The following RSL1D1 variants were observed in gnomAD, a reference collection of about 807,000 sequenced individuals.
RSL1D1 encodes ribosomal L1 domain containing 1.
RSL1D1 carries 34 observed loss-of-function variants against 44.6 expected under a neutral mutation model. The observed-to-expected ratio is 0.76, with a 90% CI of 0.58 to 1.02. The LOEUF (loss-of-function observed/expected upper bound fraction) is 1.02. RSL1D1 is among the 50% of genes least tolerant of loss of function. The pLI, the probability that RSL1D1 is intolerant of heterozygous loss-of-function variation, is 0.00. For synonymous variants in RSL1D1, 271 were observed against 207.4 expected, an observed-to-expected ratio of 1.31 and a Z score of -2.63; for missense variants, 767 against 568.1, an observed-to-expected ratio of 1.35 and a Z score of -3.56.
chr16:11,838,661 A>ACAG (rs2053739397), intron 8 of RSL1D1, among the ~76,000 whole-genome samples: 1 of 151,504 alleles, frequency 6.6e-6, no homozygotes, highest in Non-Finnish European at 1.5e-5. Flanking sequence ...GTTCAAGAGT[A>ACAG]GCCTGGCCAA....
chr16:11,846,434 T>C (rs2053799009), intron 5 of RSL1D1, 67 bp downstream of exon 5: 2 of 834,536 alleles, frequency 2.4e-6, no homozygotes, highest in South Asian at 3.3e-5. Flanking sequence ...ACAAAACGAA[T>C]AAGTATATAT....
chr16:11,844,816 A>G (rs1265795362), intron 5 of RSL1D1, among the ~76,000 whole-genome samples: 6 of 152,202 alleles, frequency 3.9e-5, no homozygotes, highest in Non-Finnish European at 7.4e-5. Context: ...GTACTTCATA[A>G]AATGTATTTT....
At chr16:11,843,684 T>C (rs9923315) in intron 5 of RSL1D1, among the ~76,000 whole-genome samples, 9,632 of 151,408 alleles carry the variant, frequency 0.064, 564 homozygotes, top group Admixed American at 0.17. Context: ...CTGGTTAACA[T>C]GGTAAAACAC....
chr16:11,836,876 AT>A lies in RSL1D1; in HGVS notation c.*910del, dbSNP rs1326978349. 4 of 152,246 alleles carry A rather than the reference AT, an allele frequency of 2.6e-5. No homozygotes were observed. The highest frequency in any genetic ancestry group is 9.6e-5 in the African/African-American group (4 of 41,458). The allele number at this position is 152,246 out of a possible 1,614,324, so 9.4% of individuals were successfully genotyped here. A position where few individuals can be genotyped will look rare whatever the true frequency, so the allele number is the denominator to read the frequency against. On this transcript the variant is annotated 3_prime_UTR_variant, in exon 9 of 9. Transcript: ENST00000571133. ...AATGAATATGATGGAGTCCATGTGA[AT>A]AATGGTTGAGCAGGTGAGGAAAAGG...
At position 11,837,839 on chromosome 16, in the gene RSL1D1, G is replaced by A; in HGVS notation, c.1421C>T (p.Ser474Phe). 6.2e-7 allele frequency: 1 copy of A among 1,613,456 alleles called. No individual in the cohort carries two copies. Among genetic ancestry groups the A allele is most frequent in the South Asian group, 1.1e-5 (1 of 90,998 alleles). The part of the protein sequence containing the change: ...TTPSKSVRKA[S>F]HTPKKWPKKP... ...TTTGGGCCATTTTTTGGGGGTGTGG[G>A]AAGCTTTTCTCACAGATTTACTAGG... Residue 474 changes from serine to phenylalanine, a missense_variant, in exon 9 of 9, where the codon TCC becomes TTC. Coordinates refer to ENST00000571133, the MANE Select transcript of RSL1D1 (RefSeq NM_015659.3).
chr16:11,842,924 T>C (rs1387577283), intron 5 of RSL1D1, among the ~76,000 whole-genome samples: 1,500 of 15,870 alleles, frequency 0.095, 27 homozygotes, highest in African/African-American at 0.45. Flanking sequence ...CCCAGCTAAT[T>C]TTTTTTTTTT....
intron 2 of RSL1D1, 121 bp from the exon 3 acceptor site, chr16:11,847,927 A>T (rs2141255122): frequency 1.0e-6 from 1 of 989,034 alleles, no homozygotes; most frequent in Admixed American, 2.4e-5. Flanking sequence ...ATGCTAGTTA[A>T]GCAAATAATG....
In RSL1D1 at chr16:11,837,949, C is replaced by T. The variant is rs1567417043; in HGVS notation, c.1311G>A (p.Glu437=). 6.2e-7 allele frequency: 1 copy of T among 1,613,996 alleles called. No homozygotes were observed. The change falls in exon 9 of 9, where the codon GAG becomes GAA. Residue 437 remains glutamate (E), a synonymous_variant. Coordinates refer to ENST00000571133, the MANE Select transcript of RSL1D1 (RefSeq NM_015659.3). ...GCGAAGGACTTTTTTCCTTCACTGC[C>T]TCTTCTTTGATTTTTGGCTTCTTCT... ...SPEKKPKIKE[E]AVKEKSPSLG...
chr16:11,850,595 T>C (rs770543271), intron 1 of RSL1D1, among the ~76,000 whole-genome samples, 177 bp from the exon 2 acceptor site: 27 of 152,170 alleles, frequency 1.8e-4, no homozygotes, highest in Non-Finnish European at 3.2e-4. Flanking sequence ...ATCCTGCAGT[T>C]TATATTCACA....
At chr16:11,850,702 A>G (rs917381395) in intron 1 of RSL1D1, among the ~76,000 whole-genome samples, 5 of 152,180 alleles carry the variant, frequency 3.3e-5, no homozygotes, top group Admixed American at 3.3e-4. Flanking sequence ...GCTAGAGGGA[A>G]ACGTGCCCCT....
At chr16:11,851,225 C>G (rs2053835194) in intron 1 of RSL1D1, 183 bp downstream of exon 1, 3 of 659,084 alleles carry the variant, frequency 4.6e-6, no homozygotes, top group Admixed American at 4.5e-5. Flanking sequence ...GCCGCAGGAC[C>G]AGGGAAAGCA....
At chr16:11,839,674 C>T (rs771889104) in intron 8 of RSL1D1, 21 bp downstream of exon 8, 1 of 1,612,324 alleles carries the variant, frequency 6.2e-7, no homozygotes. Context: ...CCATTATGAA[C>T]AGTAAATATT....
At chr16:11,838,796 G>A (rs2053740166) in intron 8 of RSL1D1, among the ~76,000 whole-genome samples, 1 of 149,420 alleles carries the variant, frequency 6.7e-6, no homozygotes, top group Non-Finnish European at 1.5e-5. Flanking sequence ...GGTGGAGGTT[G>A]CTGTGAGCCG....
chr16:11,847,392 A>G (rs1193303288), intron 3 of RSL1D1, among the ~76,000 whole-genome samples: 1 of 152,058 alleles, frequency 6.6e-6, no homozygotes, highest in Non-Finnish European at 1.5e-5. Flanking sequence ...AAACTTAGAT[A>G]CCTTAGATCC....
In RSL1D1 at chr16:11,837,397, C is replaced by G. The variant is rs988693595; in HGVS notation, c.*390G>C. The G allele has an allele frequency of 6.1e-6, 1 of 164,002 alleles. No homozygotes were observed. The highest frequency in any genetic ancestry group is 1.8e-4 in the South Asian group (1 of 5,444). The allele number at this position is 164,002 out of a possible 1,614,324, so 10.2% of individuals were successfully genotyped here. ...TTTATTTTTGAGACTGAGTCTTGCTCTGTCATCAGGCTGGAGTGCAGTGGC... is the reference window on the plus strand; with the variant it reads ...TTTATTTTTGAGACTGAGTCTTGCTGTGTCATCAGGCTGGAGTGCAGTGGC... On this transcript the variant is annotated 3_prime_UTR_variant, in exon 9 of 9. Transcript: ENST00000571133.
intron 5 of RSL1D1, among the ~76,000 whole-genome samples, chr16:11,842,541 T>A (rs1341565973): frequency 6.6e-6 from 1 of 151,960 alleles, no homozygotes; most frequent in Non-Finnish European, 1.5e-5. Flanking sequence ...TTTGTATTTT[T>A]TGTAGAGATG....
intron 5 of RSL1D1, among the ~76,000 whole-genome samples, chr16:11,843,263 G>A (rs1483865031): frequency 6.6e-6 from 1 of 151,544 alleles, no homozygotes; most frequent in Non-Finnish European, 1.5e-5. Flanking sequence ...TAGAGATGGG[G>A]TTTCACTGTG....
Position 11,839,740 on chromosome 16 carries a change from C to T in RSL1D1, c.1101G>A (p.Gln367=), listed in dbSNP as rs186514779. ...GAGTCTTCTTTCCTATTGGTACCAGCTGTGGGATTTCGTCTTCGGATTCAT... is the reference window on the plus strand; with the variant it reads ...GAGTCTTCTTTCCTATTGGTACCAGTTGTGGGATTTCGTCTTCGGATTCAT... ...ATNESEDEIP[Q]LVPIGKKTPA... is the part of the protein sequence containing the mutation. Residue 367 remains glutamine, a synonymous_variant, in exon 8 of 9, where the codon CAG becomes CAA. Transcript: ENST00000571133. 69 of 1,614,102 alleles carry T rather than the reference C, an allele frequency of 4.3e-5. No homozygotes were observed. The highest frequency in any genetic ancestry group is 5.0e-5 in the Admixed American group (3 of 60,000).
At chr16:11,842,499 A>C (rs2053769901) in intron 5 of RSL1D1, among the ~76,000 whole-genome samples, 1 of 151,036 alleles carries the variant, frequency 6.6e-6, no homozygotes, top group African/African-American at 2.4e-5. Flanking sequence ...CAGCCTCCGG[A>C]GTAGCTGGGA....
Sources: gnomAD v4.1 joint callset for allele counts (sites outside exome capture counted in the v4.1 genomes callset) on GRCh38, gnomAD v4.1.1 for gene constraint, MANE v1.5 for transcripts, NCBI Gene and HGNC (gene_info 2026-07-23, HGNC 2026-07-21) for gene names.